The following IRAK3 variants were observed in gnomAD, a reference collection of about 807,000 sequenced individuals.
IRAK3 encodes the protein interleukin 1 receptor associated kinase 3, also known as interleukin-1 receptor-associated kinase 3.
IRAK3 carries 57 observed loss-of-function variants against 56.6 expected under a neutral mutation model. That is an observed-to-expected ratio of 1.01 (90% CI 0.81 to 1.26). The LOEUF (loss-of-function observed/expected upper bound fraction) is 1.26. IRAK3 is among the 50% of genes most tolerant of loss of function. The probability of loss-of-function intolerance (pLI) is 0.00; values close to 1 mark genes in which losing one functional copy is unlikely to be tolerated. For synonymous variants in IRAK3, 258 were observed against 255.7 expected, an observed-to-expected ratio of 1.01 and a Z score of -0.09; for missense variants, 703 against 719.0, an observed-to-expected ratio of 0.98 and a Z score of 0.25.
At position 66,248,156 on chromosome 12, in the gene IRAK3, G is replaced by C; in HGVS notation, c.1776G>C (p.Gln592His). Residue 592 changes from glutamine (Q) to histidine (H), a missense_variant, in exon 12 of 12, where the codon CAG becomes CAC. By Grantham distance (24) the Gln-to-His change is conservative (BLOSUM62 0). Coordinates refer to ENST00000261233, the MANE Select transcript of IRAK3 (RefSeq NM_007199.3). ...SSKFSWDEYEQYKKE is the reference protein window; with the variant it reads ...SSKFSWDEYEHYKKE ...AATTTTCCTGGGATGAATATGAACA[G>C]TACAAAAAAGAATAAATTCTACCAG... 1 of 1,611,704 alleles carries C rather than the reference G, an allele frequency of 6.2e-7. No homozygotes were observed. The highest frequency in any genetic ancestry group is 8.5e-7 in the Non-Finnish European group (1 of 1,178,158).
At chr12:66,220,771 C>T (rs1313730788) in intron 6 of IRAK3, among the ~76,000 whole-genome samples, 4 of 151,986 alleles carry the variant, frequency 2.6e-5, no homozygotes, top group African/African-American at 9.7e-5. Flanking sequence ...CCGCCCGCCT[C>T]GGCCTCCCAA....
At chr12:66,215,287 A>G (rs749448153) in intron 5 of IRAK3, among the ~76,000 whole-genome samples, 12 of 152,184 alleles carry the variant, frequency 7.9e-5, no homozygotes, top group Non-Finnish European at 1.6e-4. Flanking sequence ...TGCAGCTGCC[A>G]CCAAATCACA....
At chr12:66,197,416 C>T (rs1367643660) in intron 1 of IRAK3, 3 of 985,752 alleles carry the variant, frequency 3.0e-6, no homozygotes, top group African/African-American at 1.7e-5. Context: ...CCTGTTGTAT[C>T]AGATTGGAGC....
chr12:66,219,927 T>C (rs2052714172), intron 6 of IRAK3, among the ~76,000 whole-genome samples: 1 of 152,238 alleles, frequency 6.6e-6, no homozygotes, highest in South Asian at 2.1e-4. Flanking sequence ...TTGTATGAGT[T>C]CCTCACTATT....
At chr12:66,218,726 C>T (rs2052701926) in intron 6 of IRAK3, among the ~76,000 whole-genome samples, 2 of 152,148 alleles carry the variant, frequency 1.3e-5, no homozygotes, top group African/African-American at 4.8e-5. Context: ...TCACCACAAT[C>T]AAATTAATAC....
chr12:66,194,913 T>C (rs2052436651), intron 1 of IRAK3, among the ~76,000 whole-genome samples: 1 of 152,198 alleles, frequency 6.6e-6, no homozygotes, highest in Admixed American at 6.5e-5. Flanking sequence ...CCCCTGGGCT[T>C]AGTCCATGGA....
Position 66,189,416 on chromosome 12 carries a change from G to C in IRAK3, c.117G>C (p.Leu39=). The C allele has an allele frequency of 7.1e-7, 1 of 1,410,374 alleles. No homozygotes were observed. Among genetic ancestry groups the C allele is most frequent in the Non-Finnish European group, 9.3e-7 (1 of 1,080,882 alleles). 87.4% of individuals were successfully genotyped at this position (1,410,374 alleles called of 1,614,324 possible). ...TTCTGGACAGCTGCGACGGCGCGCT[G>C]GGCTGGCGCGGCCTGGGTGAGTCGG... ...CAVLDSCDGA[L]GWRGLAERLS... Residue 39 remains leucine, a synonymous_variant, in exon 1 of 12, where the codon CTG becomes CTC. Coordinates refer to ENST00000261233, the MANE Select transcript of IRAK3 (RefSeq NM_007199.3).
Position 66,235,409 on chromosome 12 carries a change from C to G in IRAK3, c.887+7039C>G, listed in dbSNP as rs1592598957. ...CCCCGGGCCGAGGCAGCTTTGGGAA[C>G]TCCCTCTCGCCGCGCGGCGGCGGCC... On this transcript the variant is annotated intron_variant, in intron 8 of 11. Transcript: ENST00000261233. 1.3e-5 allele frequency among the ~76,000 whole-genome samples: 2 copies of G among 151,364 alleles called. 1 individual carries two copies. The highest frequency in any genetic ancestry group is 4.1e-4 in the South Asian group (2 of 4,822).
chr12:66,236,764 G>C (rs540461847), intron 8 of IRAK3, among the ~76,000 whole-genome samples: 24 of 152,168 alleles, frequency 1.6e-4, no homozygotes, highest in African/African-American at 5.1e-4. Context: ...CTGTACTCAC[G>C]AGTCTAGGAC....
intron 1 of IRAK3, among the ~76,000 whole-genome samples, chr12:66,203,180 C>A (rs576324548): frequency 6.6e-6 from 1 of 151,920 alleles, no homozygotes; most frequent in East Asian, 1.9e-4. Context: ...GTATCTTCCC[C>A]GAAATATTTA....
rs1292796579 is a variant in IRAK3 at position 66,234,379 on chromosome 12, A to C, written c.887+6009A>C. Reference sequence around the variant, plus strand: ...GAATATATGGTTGAGGTTGCGTCCAAGAAGGACTTTGCACCTGGTAGGCAG... The same window carrying C: ...GAATATATGGTTGAGGTTGCGTCCACGAAGGACTTTGCACCTGGTAGGCAG... On this transcript the variant is annotated intron_variant, in intron 8 of 11. Coordinates refer to ENST00000261233, the MANE Select transcript of IRAK3 (RefSeq NM_007199.3). 4.3e-6 allele frequency: 7 copies of C among 1,612,118 alleles called. No homozygotes were observed. In the South Asian group the frequency reaches 4.4e-5, roughly 10 times the overall value.
chr12:66,251,354 A>G lies in IRAK3; in HGVS notation c.*3183A>G, dbSNP rs1430477677. The G allele has an allele frequency of 6.6e-6, 1 of 152,204 alleles. No individual in the cohort carries two copies. Among genetic ancestry groups the G allele is most frequent in the African/African-American group, 2.4e-5 (1 of 41,460 alleles). The allele number at this position is 152,204 out of a possible 1,614,324, so 9.4% of individuals were successfully genotyped here. A position where few individuals can be genotyped will look rare whatever the true frequency, so the allele number is the denominator to read the frequency against. On this transcript the variant is annotated 3_prime_UTR_variant, in exon 12 of 12. Transcript: ENST00000261233. ...ATGTTGCAACTTTCTATGGGTAATA[A>G]GAGGATACCTTTATAGTTTCATGAT...
chr12:66,220,799 C>T (rs1169270603), intron 6 of IRAK3, among the ~76,000 whole-genome samples: 1 of 152,168 alleles, frequency 6.6e-6, no homozygotes, highest in Middle Eastern at 3.4e-3. Context: ...GGATTACAGG[C>T]GTGAGCCACC....
intron 1 of IRAK3, among the ~76,000 whole-genome samples, chr12:66,191,243 C>T (rs1026056741): frequency 2.0e-5 from 3 of 152,058 alleles, no homozygotes; most frequent in Non-Finnish European, 2.9e-5. Flanking sequence ...CTCTGGTTGG[C>T]CCTAAGTTGG....
At chr12:66,227,511 G>A (rs903074500) in intron 7 of IRAK3, among the ~76,000 whole-genome samples, 8 of 152,052 alleles carry the variant, frequency 5.3e-5, no homozygotes, top group Non-Finnish European at 1.0e-4. Context: ...CCTTGGAGAC[G>A]GAGGTTGCAG....
chr12:66,199,428 G>A (rs1397857733), intron 1 of IRAK3, among the ~76,000 whole-genome samples: 1 of 152,196 alleles, frequency 6.6e-6, no homozygotes, highest in Non-Finnish European at 1.5e-5. Flanking sequence ...GATAGTCTGC[G>A]GGGCTCAGAC....
intron 8 of IRAK3, among the ~76,000 whole-genome samples, chr12:66,242,206 TG>T (rs2052977090): frequency 6.6e-6 from 1 of 152,098 alleles, no homozygotes; most frequent in South Asian, 2.1e-4. Flanking sequence ...GGGCAGAAGG[TG>T]GGGTCCTGGC....
chr12:66,189,274 G>A lies in IRAK3; in HGVS notation c.-26G>A, dbSNP rs1428247421. ...CGTGCAGGGACCTGGACTCCGCCTC[G>A]TCCCCGGGGCTCGGGCAGCCGAGCC... On this transcript the variant is annotated 5_prime_UTR_variant, in exon 1 of 12. Transcript: ENST00000261233. 6 of 1,534,872 alleles carry A rather than the reference G, an allele frequency of 3.9e-6. No individual in the cohort carries two copies. Among genetic ancestry groups the A allele is most frequent in the African/African-American group, 2.7e-5 (2 of 73,132 alleles).
chr12:66,195,024 C>T (rs2136912327), intron 1 of IRAK3, among the ~76,000 whole-genome samples: 1 of 152,220 alleles, frequency 6.6e-6, no homozygotes, highest in South Asian at 2.1e-4. Context: ...CATCTTCATC[C>T]ATCTATTTGC....
Sources: gnomAD v4.1 joint callset for allele counts (sites outside exome capture counted in the v4.1 genomes callset) on GRCh38, gnomAD v4.1.1 for gene constraint, MANE v1.5 for transcripts, NCBI Gene and HGNC (gene_info 2026-07-23, HGNC 2026-07-21) for gene names.